HMGCS2: variants seen among roughly 807,000 people sequenced by gnomAD.
HMGCS2 encodes hydroxymethylglutaryl-CoA synthase, mitochondrial.
Under a neutral mutation model 57.4 loss-of-function variants are expected in HMGCS2, and 50 were observed. The ratio of observed to expected loss-of-function variants is 0.87; its 90% CI spans 0.69 to 1.10. The LOEUF is 1.10. HMGCS2 is among the 50% of genes least tolerant of loss of function. The probability of loss-of-function intolerance (pLI) is 0.00; values close to 1 mark genes in which losing one functional copy is unlikely to be tolerated. For missense variants in HMGCS2, 627 were observed against 636.5 expected, an observed-to-expected ratio of 0.99 and a Z score of 0.16; for synonymous variants, 254 against 245.1, an observed-to-expected ratio of 1.04 and a Z score of -0.34.
intron 1 of HMGCS2, 108 bp from the exon 2 acceptor site, chr1:119,764,734 G>A: frequency 1.2e-6 from 1 of 849,736 alleles, no homozygotes. Context: ...TTGAAGCTAT[G>A]TTATCAGATG....
chr1:119,763,069 G>A (rs1653099463), intron 2 of HMGCS2, among the ~76,000 whole-genome samples: 1 of 152,112 alleles, frequency 6.6e-6, no homozygotes, highest in Non-Finnish European at 1.5e-5. Flanking sequence ...GAACAGACTT[G>A]ATGATGTAGA....
chr1:119,763,326 A>T (rs1330847524), intron 2 of HMGCS2, among the ~76,000 whole-genome samples: 1 of 152,206 alleles, frequency 6.6e-6, no homozygotes, highest in Non-Finnish European at 1.5e-5. Context: ...TAAGGTTTTT[A>T]ATCCTAGTTT....
In HMGCS2 at chr1:119,764,574, C is replaced by G; in HGVS notation, c.157G>C (p.Asp53His). 6.2e-7 allele frequency: 1 copy of G among 1,614,186 alleles called. No individual in the cohort carries two copies. Among genetic ancestry groups the G allele is most frequent in the African/African-American group, 1.3e-5 (1 of 75,046 alleles). ...ACCTCCAGGGCCAGGATGCCCACGT[C>G]CTTTGGCCAAGTATCTGTTTTGGCC... ...PLAKTDTWPK[D>H]VGILALEVYF... The change falls in exon 2 of 10, where the codon GAC (aspartate) becomes CAC (histidine). Residue 53 changes from aspartate (D) to histidine (H), a missense_variant. Transcript: ENST00000369406.
At chr1:119,758,128 C>A (rs1652912398) in intron 4 of HMGCS2, among the ~76,000 whole-genome samples, 1 of 152,290 alleles carries the variant, frequency 6.6e-6, no homozygotes, top group Admixed American at 6.5e-5. Flanking sequence ...TCCATGCCTT[C>A]TCCCACACTG....
chr1:119,761,503 C>T (rs890758745), intron 2 of HMGCS2, among the ~76,000 whole-genome samples: 2 of 152,050 alleles, frequency 1.3e-5, no homozygotes, highest in Admixed American at 6.6e-5. Context: ...CGGTGGCTCA[C>T]GCCTGTAATC....
intron 1 of HMGCS2, among the ~76,000 whole-genome samples, chr1:119,765,085 A>T (rs1379334740): frequency 6.6e-6 from 1 of 152,118 alleles, no homozygotes; most frequent in Non-Finnish European, 1.5e-5. Context: ...GTTGGAACTA[A>T]ATCTTTTTTT....
At chr1:119,750,697 T>C in intron 9 of HMGCS2, 100 bp downstream of exon 9, 7 of 766,040 alleles carry the variant, frequency 9.1e-6, no homozygotes, top group Non-Finnish European at 1.2e-5. Flanking sequence ...TCCATTAAAC[T>C]TTCTTCTCCC....
At position 119,760,048 on chromosome 1, in the gene HMGCS2, C is replaced by T. The variant is rs1368773104; in HGVS notation, c.560-59G>A. On this transcript the variant is annotated intron_variant, in intron 2 of 9. Transcript: ENST00000369406. ...TACCAAATCTAGAGTAGACTGAGTGCCTACTGTGTACCAGGCACAATTCTA... is the reference window on the plus strand; with the variant it reads ...TACCAAATCTAGAGTAGACTGAGTGTCTACTGTGTACCAGGCACAATTCTA... 2.7e-6 allele frequency: 4 copies of T among 1,481,250 alleles called. No homozygotes were observed. In the African/African-American group the frequency reaches 4.2e-5, roughly 15 times the overall value. The allele number at this position is 1,481,250 out of a possible 1,614,324, so 91.8% of individuals were successfully genotyped here. A position where few individuals can be genotyped will look rare whatever the true frequency, so the allele number is the denominator to read the frequency against.
At chr1:119,751,896 C>G (rs1016703756) in intron 8 of HMGCS2, among the ~76,000 whole-genome samples, 2 of 152,166 alleles carry the variant, frequency 1.3e-5, no homozygotes, top group African/African-American at 4.8e-5. Context: ...CTGTAGAAAT[C>G]ATGGTAAAAC....
intron 4 of HMGCS2, among the ~76,000 whole-genome samples, chr1:119,758,014 C>A (rs1051805210): frequency 6.6e-6 from 1 of 152,238 alleles, no homozygotes; most frequent in Non-Finnish European, 1.5e-5. Context: ...GGCAGAGAGG[C>A]CCAAAGCAAC....
intron 1 of HMGCS2, among the ~76,000 whole-genome samples, chr1:119,767,398 C>T (rs587750633): frequency 9.2e-5 from 14 of 152,038 alleles, no homozygotes; most frequent in African/African-American, 2.9e-4. Flanking sequence ...GCAGTGGCCA[C>T]GGCAGGGGGT....
In HMGCS2 at chr1:119,757,253, T is replaced by C; in HGVS notation, c.1016+20A>G. The C allele has an allele frequency of 6.2e-7, 1 of 1,613,876 alleles. No homozygotes were observed. Among genetic ancestry groups the C allele is most frequent in the Middle Eastern group, 1.7e-4 (1 of 6,048 alleles). On this transcript the variant is annotated intron_variant, in intron 5 of 9. Transcript: ENST00000369406. ...GCTCACACCTCACCAGCCTCTAGGC[T>C]CCCCAAGAAGAGAACTCACCCGAAA...
intron 7 of HMGCS2, among the ~76,000 whole-genome samples, 179 bp from the exon 8 acceptor site, chr1:119,752,853 G>A (rs1341987297): frequency 6.6e-6 from 1 of 152,186 alleles, no homozygotes; most frequent in Non-Finnish European, 1.5e-5. Context: ...AAACATGCAG[G>A]CAGACACACT....
chr1:119,750,513 G>A (rs1013119482), intron 9 of HMGCS2, among the ~76,000 whole-genome samples: 1 of 152,158 alleles, frequency 6.6e-6, no homozygotes, highest in Admixed American at 6.6e-5. Context: ...AGCCCCAAGA[G>A]TTTTAATTGG....
chr1:119,761,053 T>C (rs1428939434), intron 2 of HMGCS2, among the ~76,000 whole-genome samples: 1 of 151,074 alleles, frequency 6.6e-6, no homozygotes, highest in East Asian at 1.9e-4. Context: ...AGTATTGTTT[T>C]CTTCCCCAAT....
At chr1:119,751,467 A>G (rs1276044554) in intron 8 of HMGCS2, among the ~76,000 whole-genome samples, 1 of 151,608 alleles carries the variant, frequency 6.6e-6, no homozygotes, top group Non-Finnish European at 1.5e-5. Context: ...CCTGGGTTCA[A>G]GTAATTCTCC....
intron 2 of HMGCS2, among the ~76,000 whole-genome samples, chr1:119,763,604 C>T (rs769716423): frequency 2.0e-5 from 3 of 152,126 alleles, no homozygotes; most frequent in Non-Finnish European, 2.9e-5. Flanking sequence ...AAATATAGCA[C>T]TGGGAGAAGA....
chr1:119,753,200 C>T (rs1199917589), intron 7 of HMGCS2, 80 bp downstream of exon 7: 1 of 844,928 alleles, frequency 1.2e-6, no homozygotes, highest in East Asian at 2.5e-5. Context: ...AGATGGCAGC[C>T]TCAGTAATGG....
chr1:119,767,530 G>A (rs1164176292), intron 1 of HMGCS2, among the ~76,000 whole-genome samples: 2 of 152,218 alleles, frequency 1.3e-5, no homozygotes, highest in Non-Finnish European at 2.9e-5. Context: ...CAAAGCAGAT[G>A]CTGAGATGAA....
Sources: allele counts gnomAD v4.1 joint callset (sites outside exome capture counted in the v4.1 genomes callset), GRCh38; gene constraint gnomAD v4.1.1; transcripts MANE v1.5; gene names NCBI Gene and HGNC (gene_info 2026-07-23, HGNC 2026-07-21).